The following PDZRN3 variants were observed in gnomAD, a reference collection of about 807,000 sequenced individuals.
PDZRN3 encodes the protein PDZ domain containing ring finger 3.
PDZRN3 carries 38 observed loss-of-function variants against 85.7 expected under a neutral mutation model. The ratio of observed to expected loss-of-function variants is 0.44; its 90% confidence interval spans 0.34 to 0.58. The LOEUF is 0.58. Among genes scored for constraint, PDZRN3 ranks in the 20% least tolerant of loss-of-function variants. PDZRN3 has a pLI of 0.01. For synonymous variants in PDZRN3, 759 were observed against 638.0 expected (o/e 1.19, Z -2.86); for missense variants, 1,629 against 1,506.4 (o/e 1.08, Z -1.35).
At chr3:73,556,249 T>C (rs992497406) in intron 3 of PDZRN3, among the ~76,000 whole-genome samples, 7 of 152,094 alleles carry the variant, frequency 4.6e-5, no homozygotes, top group Non-Finnish European at 8.8e-5. Flanking sequence ...AAATCGAAAG[T>C]TAAGATATTT....
chr3:73,578,293 C>CT (rs1559746188), intron 3 of PDZRN3, among the ~76,000 whole-genome samples: 2 of 151,790 alleles, frequency 1.3e-5, no homozygotes. Context: ...CCTCAGCCTC[C>CT]GAGTAGCTGG....
chr3:73,466,960 T>G (rs1390305415), intron 3 of PDZRN3, among the ~76,000 whole-genome samples: 1 of 152,116 alleles, frequency 6.6e-6, no homozygotes, highest in Admixed American at 6.6e-5. Context: ...GACGTTTGGG[T>G]AGATTCTAAA....
At chr3:73,510,973 G>A (rs780570754) in intron 3 of PDZRN3, among the ~76,000 whole-genome samples, 1 of 152,126 alleles carries the variant, frequency 6.6e-6, no homozygotes, top group African/African-American at 2.4e-5. Flanking sequence ...CAGAGAAACC[G>A]TGGCTGGGGG....
At chr3:73,572,731 C>T (rs993892734) in intron 3 of PDZRN3, among the ~76,000 whole-genome samples, 1 of 152,306 alleles carries the variant, frequency 6.6e-6, no homozygotes, top group African/African-American at 2.4e-5. Context: ...TACATCAAGC[C>T]AAGAGGGATG....
intron 3 of PDZRN3, among the ~76,000 whole-genome samples, chr3:73,591,264 T>C (rs1236785017): frequency 6.6e-6 from 1 of 152,196 alleles, no homozygotes; most frequent in East Asian, 1.9e-4. Flanking sequence ...AATCTTAATG[T>C]TTTTGGCACT....
At chr3:73,416,258 T>G (rs1409395431) in intron 3 of PDZRN3, among the ~76,000 whole-genome samples, 1 of 152,160 alleles carries the variant, frequency 6.6e-6, no homozygotes, top group Non-Finnish European at 1.5e-5. Context: ...TTTGGGAGCT[T>G]GAACTTGGCC....
chr3:73,532,253 G>A (rs113663867), intron 3 of PDZRN3, among the ~76,000 whole-genome samples: 2 of 151,950 alleles, frequency 1.3e-5, no homozygotes, highest in African/African-American at 2.4e-5. Context: ...CACCCACCTC[G>A]GCCTCCCAAA....
chr3:73,486,205 G>A (rs1382574088), intron 3 of PDZRN3, among the ~76,000 whole-genome samples: 1 of 152,164 alleles, frequency 6.6e-6, no homozygotes, highest in East Asian at 1.9e-4. Context: ...CCAGTGGCTG[G>A]GAATGGCTCG....
At chr3:73,412,992 C>T (rs767914052) in intron 3 of PDZRN3, among the ~76,000 whole-genome samples, 1 of 152,198 alleles carries the variant, frequency 6.6e-6, no homozygotes, top group South Asian at 2.1e-4. Flanking sequence ...TACTCCATCT[C>T]TGTGTGCCTC....
At chr3:73,427,072 T>C (rs1028642927) in intron 3 of PDZRN3, among the ~76,000 whole-genome samples, 1 of 152,180 alleles carries the variant, frequency 6.6e-6, no homozygotes, top group Admixed American at 6.5e-5. Context: ...AATTATCCCA[T>C]GAGGCAGGCA....
chr3:73,536,321 G>A (rs1248104137), intron 3 of PDZRN3, among the ~76,000 whole-genome samples: 1 of 152,228 alleles, frequency 6.6e-6, no homozygotes, highest in African/African-American at 2.4e-5. Flanking sequence ...CTTGTAGCCT[G>A]CCTGCAAGAG....
At chr3:73,518,891 G>A (rs1347498541) in intron 3 of PDZRN3, among the ~76,000 whole-genome samples, 2 of 152,208 alleles carry the variant, frequency 1.3e-5, no homozygotes, top group Non-Finnish European at 2.9e-5. Context: ...TTCAACCCAT[G>A]AATGTTGTGG....
chr3:73,465,899 A>G (rs1703203239), intron 3 of PDZRN3, among the ~76,000 whole-genome samples: 2 of 152,168 alleles, frequency 1.3e-5, no homozygotes, highest in Non-Finnish European at 2.9e-5. Context: ...TGGCCTTTCA[A>G]TTGACTGAAT....
chr3:73,478,892 A>G (rs1349267943), intron 3 of PDZRN3, among the ~76,000 whole-genome samples: 1 of 152,250 alleles, frequency 6.6e-6, no homozygotes, highest in African/African-American at 2.4e-5. Context: ...TAATGGTTAA[A>G]AACACATTTT....
intron 3 of PDZRN3, among the ~76,000 whole-genome samples, chr3:73,486,704 T>C (rs1310492344): frequency 6.6e-6 from 1 of 152,226 alleles, no homozygotes; most frequent in African/African-American, 2.4e-5. Context: ...GTTTCCTCAA[T>C]GTAGCATTGG....
chr3:73,388,090 G>C, intron 7 of PDZRN3, 21 bp from the exon 8 acceptor site: 1 of 959,064 alleles, frequency 1.0e-6, no homozygotes, highest in Non-Finnish European at 1.6e-6. Flanking sequence ...AAAAGGGGGG[G>C]TGGGGAGAGT....
chr3:73,393,065 C>G (rs890183565), intron 5 of PDZRN3, among the ~76,000 whole-genome samples: 2 of 152,046 alleles, frequency 1.3e-5, no homozygotes, highest in African/African-American at 4.8e-5. Context: ...GACATTTCCT[C>G]AAGGTTAGTG....
In PDZRN3 at chr3:73,384,094, C is replaced by T. The variant is rs774458704; in HGVS notation, c.2472G>A (p.Pro824=). 44 of 1,613,418 alleles carry T rather than the reference C, an allele frequency of 2.7e-5. No individual in the cohort carries two copies. In the Admixed American group the frequency reaches 5.7e-4, roughly 21 times the overall value. Residue 824 remains proline, a synonymous_variant, in exon 10 of 10, where the codon CCG becomes CCA. Transcript: ENST00000263666. The stretch of plus-strand genomic sequence containing the variant: ...GGTTGGGGTCCAGCTCCTTCAGGGA[C>T]GGGCTATAGGTAGGGGTGCCCACTT... ...DPEVGTPTYS[P]SLKELDPNQP... is the part of the protein sequence containing the mutation.
chr3:73,495,088 G>A (rs1412287875), intron 3 of PDZRN3, among the ~76,000 whole-genome samples: 2 of 152,078 alleles, frequency 1.3e-5, no homozygotes, highest in African/African-American at 2.4e-5. Context: ...TGTGGGTGAC[G>A]GGATCAAGCA....
Sources: allele counts gnomAD v4.1 joint callset (sites outside exome capture counted in the v4.1 genomes callset), GRCh38; gene constraint gnomAD v4.1.1; transcripts MANE v1.5; gene names NCBI Gene and HGNC (gene_info 2026-07-23, HGNC 2026-07-21).